Variants in CELSR1 observed in about 807,000 individuals in gnomAD.
CELSR1 encodes adhesion G protein-coupled receptor C1.
In CELSR1, 110 loss-of-function variants were observed where a neutral mutation model predicts 249.1. The observed-to-expected ratio is 0.44, with a 90% CI of 0.38 to 0.52. The LOEUF (loss-of-function observed/expected upper bound fraction) is 0.52. Ranked by LOEUF, CELSR1 falls within the 20% of genes least tolerant of loss-of-function variation. CELSR1 has a pLI of 0.00. For synonymous variants in CELSR1, 2,113 were observed against 1,900.0 expected (o/e 1.11, Z -2.92); for missense variants, 4,109 against 4,296.4 (o/e 0.96, Z 1.22).
At position 46,407,804 on chromosome 22, in the gene CELSR1, T is replaced by C. The variant is rs1267333231; in HGVS notation, c.5226+1192A>G. Among the ~76,000 whole-genome samples the C allele has an allele frequency of 6.6e-6, 1 of 152,144 alleles. No homozygotes were observed. Among genetic ancestry groups the C allele is most frequent in the Non-Finnish European group, 1.5e-5 (1 of 68,016 alleles). On this transcript the variant is annotated intron_variant, in intron 9 of 34. Coordinates refer to ENST00000674500, the MANE Select transcript of CELSR1 (RefSeq NM_001378328.1). This position sits in a 1 kb window ranked among gnomAD's most constrained non-coding sequence, Gnocchi z 4.8. ...AAGGAGAGACATAAAGGGAGCTTTTTAGGAGGGAGAATTGCCCAGTGAGTT... is the reference window on the plus strand; with the variant it reads ...AAGGAGAGACATAAAGGGAGCTTTTCAGGAGGGAGAATTGCCCAGTGAGTT...
intron 1 of CELSR1, among the ~76,000 whole-genome samples, chr22:46,482,908 C>T (rs898987494): frequency 2.0e-5 from 3 of 152,144 alleles, no homozygotes; most frequent in Non-Finnish European, 2.9e-5. Context: ...GACCAACAGA[C>T]TGATGGACAG....
intron 26 of CELSR1, 122 bp downstream of exon 26, chr22:46,369,570 G>A (rs2078827577): frequency 1.2e-6 from 1 of 816,288 alleles, no homozygotes; most frequent in African/African-American, 1.7e-5. Flanking sequence ...CTGTTACAAG[G>A]TGGCCCTTCC....
chr22:46,378,863 C>A, intron 22 of CELSR1, 146 bp from the exon 23 acceptor site: 1 of 1,071,278 alleles, frequency 9.3e-7, no homozygotes, highest in Non-Finnish European at 1.3e-6. Flanking sequence ...GAAAGCCCAG[C>A]GCCCTCGCAG....
rs1284334875 is a variant in CELSR1 at position 46,441,881 on chromosome 22, G to A, written c.4184-2470C>T. Among the ~76,000 whole-genome samples the A allele has an allele frequency of 6.6e-6, 1 of 152,244 alleles. No homozygotes were observed. Among genetic ancestry groups the A allele is most frequent in the African/African-American group, 2.4e-5 (1 of 41,458 alleles). ...TTTTAAAAATAAAGAGATCACGGTG[G>A]CTCACGCCTGTAACCCCAGCACTTG... On this transcript the variant is annotated intron_variant, in intron 2 of 34. Transcript: ENST00000674500. This position sits in a 1 kb window ranked among gnomAD's most constrained non-coding sequence, Gnocchi z 6.1.
chr22:46,390,187 G>A lies in CELSR1; in HGVS notation c.6345+205C>T, dbSNP rs986117427. 5.9e-5 allele frequency among the ~76,000 whole-genome samples: 9 copies of A among 152,184 alleles called. No homozygotes were observed. Among genetic ancestry groups the A allele is most frequent in the Non-Finnish European group, 1.0e-4 (7 of 68,032 alleles). ...GGTCCTCTGGGGGAGAGAAGTCCAC[G>A]TGGGGGTGCCTGGCTCAGGTGCCAA... On this transcript the variant is annotated intron_variant, in intron 17 of 34. Coordinates refer to ENST00000674500, the MANE Select transcript of CELSR1 (RefSeq NM_001378328.1). The surrounding 1 kb of genome is among the most constrained non-coding windows in gnomAD (Gnocchi z 6.3).
intron 1 of CELSR1, among the ~76,000 whole-genome samples, chr22:46,497,705 T>C (rs946060516): frequency 4.6e-5 from 7 of 152,176 alleles, no homozygotes; most frequent in African/African-American, 7.2e-5. Context: ...GTTCTGGGCA[T>C]TCATATCTTC....
Position 46,437,216 on chromosome 22 carries a change from G to T in CELSR1, c.4407-927C>A, listed in dbSNP as rs564430031. Among the ~76,000 whole-genome samples, 1 of 152,188 alleles carries T rather than the reference G, an allele frequency of 6.6e-6. No homozygotes were observed. The highest frequency in any genetic ancestry group is 2.1e-4 in the South Asian group (1 of 4,820). ...CTCAGAAATCCTTCTCCCACCCAGG[G>T]GCCCCGGGCAGGGGGTCTTCAGACC... is the stretch of plus-strand genomic sequence containing the variant. On this transcript the variant is annotated intron_variant, in intron 3 of 34. Transcript: ENST00000674500. The surrounding 1 kb of genome is among the most constrained non-coding windows in gnomAD (Gnocchi z 4.9).
In CELSR1 at chr22:46,440,481, G is replaced by A. The variant is rs548586088; in HGVS notation, c.4184-1070C>T. Among the ~76,000 whole-genome samples, 14 of 152,340 alleles carry A rather than the reference G, an allele frequency of 9.2e-5. No individual in the cohort carries two copies. The highest frequency in any genetic ancestry group is 2.1e-4 in the South Asian group (1 of 4,822). On this transcript the variant is annotated intron_variant, in intron 2 of 34. Transcript: ENST00000674500. This position sits in a 1 kb window ranked among gnomAD's most constrained non-coding sequence, Gnocchi z 4.7. ...CCCAAAGTGCTGGGATTACAGGCGT[G>A]AGCCACCGCGCCCGGCCAGTATGAT... is the stretch of plus-strand genomic sequence containing the variant.
At chr22:46,455,453 C>CT (rs2079937039) in intron 2 of CELSR1, among the ~76,000 whole-genome samples, 1 of 152,204 alleles carries the variant, frequency 6.6e-6, no homozygotes, top group Admixed American at 6.5e-5. Context: ...TAGTCTTGAA[C>CT]TCCTGACCTC....
rs964276701 is a variant in CELSR1, at chr22:46,518,888, C to T, written c.3544+14739G>A. On this transcript the variant is annotated intron_variant, in intron 1 of 34. Transcript: ENST00000674500. This position sits in a 1 kb window ranked among gnomAD's most constrained non-coding sequence, Gnocchi z 5.2. The stretch of plus-strand genomic sequence containing the variant: ...TCTCTACTAAAAATACAAAAATTAG[C>T]TGGACGTGGTGGCGCATGCCTGTAA... Among the ~76,000 whole-genome samples, 8 of 152,156 alleles carry T rather than the reference C, an allele frequency of 5.3e-5. No individual in the cohort carries two copies. The highest frequency in any genetic ancestry group is 8.8e-5 in the Non-Finnish European group (6 of 68,022).
At chr22:46,416,387 A>G (rs1029996816) in intron 5 of CELSR1, among the ~76,000 whole-genome samples, 1 of 152,020 alleles carries the variant, frequency 6.6e-6, no homozygotes, top group Non-Finnish European at 1.5e-5. Context: ...ACCCCCCCCA[A>G]CCCCTGCACC....
chr22:46,390,777 T>A lies in CELSR1; in HGVS notation c.6251-291A>T, dbSNP rs2079081549. ...CAACACCATCTGCCGGCAGCCACGA[T>A]CCCATGCACCAGGAATCCATTTCGG... On this transcript the variant is annotated intron_variant, in intron 16 of 34. Coordinates refer to ENST00000674500, the MANE Select transcript of CELSR1 (RefSeq NM_001378328.1). The surrounding 1 kb of genome is among the most constrained non-coding windows in gnomAD (Gnocchi z 6.3). 6.6e-6 allele frequency among the ~76,000 whole-genome samples: 1 copy of A among 152,108 alleles called. No individual in the cohort carries two copies. The highest frequency in any genetic ancestry group is 2.4e-5 in the African/African-American group (1 of 41,422).
chr22:46,367,002 G>A lies in CELSR1; in HGVS notation c.8196C>T (p.Thr2732=). ...CCCCGGCGCCTCCTACCGTCAGCAG[G>A]GTGGCCCTGGTGGTGGCGGAGTCCT... is the stretch of plus-strand genomic sequence containing the variant. ...HLEDSATTRA[T]LLTRSLNCNT... is the part of the protein sequence containing the mutation. Residue 2732 remains threonine, a synonymous_variant, in exon 29 of 35, where the codon ACC becomes ACT. Transcript: ENST00000674500. 6.2e-7 allele frequency: 1 copy of A among 1,609,742 alleles called. No individual in the cohort carries two copies. The highest frequency in any genetic ancestry group is 2.2e-5 in the East Asian group (1 of 44,826).
Position 46,363,497 on chromosome 22 carries a change from C to T in CELSR1, c.9036-250G>A, listed in dbSNP as rs2078729049. ...GAGCGCAAGGAATCCACGTTAGAAA[C>T]CGGCCATCTCTACAGTGACTTTTGG... is the stretch of plus-strand genomic sequence containing the variant. On this transcript the variant is annotated intron_variant, in intron 34 of 34. Transcript: ENST00000674500. This position sits in a 1 kb window ranked among gnomAD's most constrained non-coding sequence, Gnocchi z 4.3. 3 of 450,418 alleles carry T rather than the reference C, an allele frequency of 6.7e-6. No homozygotes were observed. The highest frequency in any genetic ancestry group is 1.2e-5 in the Non-Finnish European group (3 of 246,510). 27.9% of individuals were successfully genotyped at this position (450,418 alleles called of 1,614,324 possible).
At chr22:46,442,716 T>C (rs1401842073) in intron 2 of CELSR1, among the ~76,000 whole-genome samples, 1 of 152,182 alleles carries the variant, frequency 6.6e-6, no homozygotes, top group Non-Finnish European at 1.5e-5. Flanking sequence ...CAGAGGTAAA[T>C]GGTGCCTCTG....
intron 27 of CELSR1, among the ~76,000 whole-genome samples, chr22:46,368,674 C>T (rs968042907): frequency 3.3e-5 from 5 of 152,098 alleles, no homozygotes; most frequent in African/African-American, 1.2e-4. Context: ...GTGCTGAGTC[C>T]TCCCGCGGTG....
At position 46,407,445 on chromosome 22, in the gene CELSR1, C is replaced by T. The variant is rs563753270; in HGVS notation, c.5226+1551G>A. Among the ~76,000 whole-genome samples, 5 of 152,236 alleles carry T rather than the reference C, an allele frequency of 3.3e-5. No homozygotes were observed. Among genetic ancestry groups the T allele is most frequent in the African/African-American group, 9.6e-5 (4 of 41,542 alleles). On this transcript the variant is annotated intron_variant, in intron 9 of 34. Coordinates refer to ENST00000674500, the MANE Select transcript of CELSR1 (RefSeq NM_001378328.1). The surrounding 1 kb of genome is among the most constrained non-coding windows in gnomAD (Gnocchi z 4.8). Reference sequence around the variant, plus strand: ...AGGAGTTCGAGACCAGCCTGGTCAACATAGCAAAACCCTGTCTCTACTAAA... The same window carrying T: ...AGGAGTTCGAGACCAGCCTGGTCAATATAGCAAAACCCTGTCTCTACTAAA...
At position 46,511,839 on chromosome 22, in the gene CELSR1, G is replaced by A. The variant is rs140771662; in HGVS notation, c.3544+21788C>T. 3.2e-4 allele frequency among the ~76,000 whole-genome samples: 49 copies of A among 152,194 alleles called. 3 individuals carry two copies. The East Asian group carries it at 8.7e-3, about 27-fold the overall frequency. ...AGGAAAAGCCACTTTTCCCACTGAC[G>A]GGGGCTACCAGCTCTGTAAACATCC... On this transcript the variant is annotated intron_variant, in intron 1 of 34. Coordinates refer to ENST00000674500, the MANE Select transcript of CELSR1 (RefSeq NM_001378328.1).
Position 46,533,937 on chromosome 22 carries a change from C to T in CELSR1, c.3234G>A (p.Ser1078=), listed in dbSNP as rs1242894279. The part of the protein sequence containing the change: ...REYVLVVQAT[S]APLVSRATVH... ...CCGTGGCTCGGCTCACCAGCGGAGC[C>T]GACGTGGCCTGCACCACCAGCACAT... The change falls in exon 1 of 35, where the codon TCG becomes TCA. Residue 1078 remains serine, a synonymous_variant. Coordinates refer to ENST00000674500, the MANE Select transcript of CELSR1 (RefSeq NM_001378328.1). 4.3e-6 allele frequency: 7 copies of T among 1,613,132 alleles called. No homozygotes were observed. Among genetic ancestry groups the T allele is most frequent in the Middle Eastern group, 1.6e-4 (1 of 6,062 alleles).
Sources: gnomAD v4.1 joint callset for allele counts (sites outside exome capture counted in the v4.1 genomes callset) on GRCh38, gnomAD v4.1.1 for gene constraint, Gnocchi (gnomAD v3.1) non-coding constraint, MANE v1.5 for transcripts, NCBI Gene and HGNC (gene_info 2026-07-23, HGNC 2026-07-21) for gene names.